MCM10: variants seen among roughly 807,000 people sequenced by gnomAD.
MCM10 encodes protein MCM10 homolog.
In MCM10, 91 loss-of-function variants were observed where a neutral mutation model predicts 109.9. The ratio of observed to expected loss-of-function variants is 0.83; its 90% CI spans 0.70 to 0.99. MCM10 has a LOEUF of 0.99. MCM10 is among the 50% of genes least tolerant of loss of function. The pLI is 0.00. For synonymous variants in MCM10, 380 were observed against 387.2 expected (o/e 0.98, Z 0.22); for missense variants, 1,077 against 1,061.2 (o/e 1.01, Z -0.21).
At chr10:13,163,601 G>GTAAGCTGTC (rs1263813955) in intron 1 of MCM10, among the ~76,000 whole-genome samples, 1 of 125,534 alleles carries the variant, frequency 8.0e-6, no homozygotes, top group Non-Finnish European at 1.8e-5. Flanking sequence ...GAATCATACA[G>GTAAGCTGTC]TAAGCTGTCG....
In MCM10 at chr10:13,190,482, G is replaced by C. The variant is rs114366299; in HGVS notation, c.1416-817G>C. 3.6e-3 allele frequency among the ~76,000 whole-genome samples: 545 copies of C among 152,112 alleles called. 2 individuals are homozygous for C. The highest frequency in any genetic ancestry group is 0.012 in the African/African-American group (516 of 41,500). On this transcript the variant is annotated intron_variant, in intron 10 of 19. Coordinates refer to ENST00000378714, the MANE Select transcript of MCM10 (RefSeq NM_018518.5). ...GAGGATTGCTTAAGCCCAGGAATTT[G>C]AGACCCGCCTGAGCGACATGGCAAA...
intron 7 of MCM10, 113 bp downstream of exon 7, chr10:13,180,720 G>C: frequency 8.0e-7 from 1 of 1,243,020 alleles, no homozygotes; most frequent in Non-Finnish European, 1.2e-6. Flanking sequence ...AATAAGTATA[G>C]TAAGTTCCAG....
chr10:13,172,359 A>G lies in MCM10; in HGVS notation c.350-17A>G, dbSNP rs1834085017. 1.9e-6 allele frequency: 3 copies of G among 1,585,434 alleles called. No homozygotes were observed. The highest frequency in any genetic ancestry group is 2.7e-5 in the African/African-American group (2 of 74,104). On this transcript the variant is annotated splice_polypyrimidine_tract_variant and intron_variant, in intron 3 of 19. Transcript: ENST00000378714. This position sits in a 1 kb window ranked among gnomAD's most constrained non-coding sequence, Gnocchi z 5.2. ...TCTCCTGCCTGGTTCTTAAATTAAC[A>G]TATTTTCATTTCCTAGAGGAATTAA...
intron 14 of MCM10, 25 bp downstream of exon 14, chr10:13,195,294 C>T (rs372123453): frequency 4.5e-6 from 7 of 1,546,512 alleles, no homozygotes; most frequent in African/African-American, 4.1e-5. Flanking sequence ...TTCTCTTTAG[C>T]ACTTGAGTTT....
At chr10:13,205,969 C>T (rs952877037) in intron 18 of MCM10, among the ~76,000 whole-genome samples, 1 of 152,190 alleles carries the variant, frequency 6.6e-6, no homozygotes, top group African/African-American at 2.4e-5. Flanking sequence ...CTCCCTGGTG[C>T]AGCATGTTGC....
chr10:13,204,133 A>G, intron 17 of MCM10, 86 bp from the exon 18 acceptor site: 1 of 1,508,358 alleles, frequency 6.6e-7, no homozygotes, highest in African/African-American at 1.4e-5. Flanking sequence ...CCAGGTGGTC[A>G]TGGAGCAGAT....
At chr10:13,165,137 G>GT (rs560862600) in intron 2 of MCM10, among the ~76,000 whole-genome samples, 163 of 152,264 alleles carry the variant, frequency 1.1e-3, no homozygotes, top group African/African-American at 3.8e-3. Context: ...GGCATGCTGT[G>GT]TTTTTTCCTG....
chr10:13,203,773 T>C (rs1208779800), intron 17 of MCM10, among the ~76,000 whole-genome samples: 3 of 151,484 alleles, frequency 2.0e-5, no homozygotes, highest in African/African-American at 7.3e-5. Flanking sequence ...AATAAGCCTA[T>C]ATCCTTTTTA....
intron 16 of MCM10, among the ~76,000 whole-genome samples, chr10:13,200,339 T>C (rs1834480966): frequency 6.6e-6 from 1 of 152,126 alleles, no homozygotes; most frequent in Admixed American, 6.6e-5. Flanking sequence ...GACTGTCACA[T>C]GCATTGCAGA....
Position 13,175,552 on chromosome 10 carries a change from A to C in MCM10, c.635A>C (p.Gln212Pro). 1 of 1,614,110 alleles carries C rather than the reference A, an allele frequency of 6.2e-7. No individual in the cohort carries two copies. Among genetic ancestry groups the C allele is most frequent in the Non-Finnish European group, 8.5e-7 (1 of 1,179,974 alleles). ...TCAAGGATGACAAGTGCACCCTCCC[A>C]ACCCCTACAGACGATTTCTCGGAAC... is the stretch of plus-strand genomic sequence containing the variant. Reference protein sequence around the residue: ...SSSRMTSAPSQPLQTISRNKP... With the variant: ...SSSRMTSAPSPPLQTISRNKP... The change falls in exon 6 of 20, where the codon CAA becomes CCA. Residue 212 changes from glutamine to proline, a missense_variant. Physicochemically the swap from Gln to Pro is moderately conservative, Grantham distance 76. Coordinates refer to ENST00000378714, the MANE Select transcript of MCM10 (RefSeq NM_018518.5).
intron 9 of MCM10, among the ~76,000 whole-genome samples, chr10:13,187,999 G>C (rs1410600419): frequency 6.6e-6 from 1 of 152,120 alleles, no homozygotes; most frequent in Non-Finnish European, 1.5e-5. Flanking sequence ...ACAAAAATTA[G>C]CTGGGCGTGG....
chr10:13,203,366 C>T (rs144222290), intron 17 of MCM10, among the ~76,000 whole-genome samples: 180 of 152,276 alleles, frequency 1.2e-3, no homozygotes, highest in African/African-American at 4.2e-3. Context: ...TCCTCTTCCA[C>T]GTTTAAGGGT....
intron 14 of MCM10, among the ~76,000 whole-genome samples, chr10:13,196,442 A>G (rs1398843589): frequency 2.6e-5 from 4 of 152,130 alleles, no homozygotes; most frequent in African/African-American, 7.2e-5. Flanking sequence ...TACAATAACC[A>G]TGGCACATGT....
chr10:13,180,360 C>T (rs1333733592), intron 6 of MCM10, 82 bp from the exon 7 acceptor site: 2 of 1,281,216 alleles, frequency 1.6e-6, no homozygotes, highest in East Asian at 5.0e-5. Context: ...TTCTGACCAT[C>T]ACACTCCCTT....
Position 13,209,582 on chromosome 10 carries a change from A to C in MCM10, c.*272A>C. The stretch of plus-strand genomic sequence containing the variant: ...ACTTCATTCACTGAAGTTTTTGCCC[A>C]AAAATTGGAAGGTAAACAGAGAGCT... On this transcript the variant is annotated 3_prime_UTR_variant, in exon 20 of 20. Coordinates refer to ENST00000378714, the MANE Select transcript of MCM10 (RefSeq NM_018518.5). 2.0e-6 allele frequency: 1 copy of C among 488,730 alleles called. No homozygotes were observed. The highest frequency in any genetic ancestry group is 3.7e-6 in the Non-Finnish European group (1 of 273,232). 30.3% of individuals were successfully genotyped at this position (488,730 alleles called of 1,614,324 possible).
chr10:13,201,724 A>G (rs1483104652), intron 17 of MCM10, 190 bp downstream of exon 17: 1 of 575,210 alleles, frequency 1.7e-6, no homozygotes, highest in East Asian at 2.9e-5. Flanking sequence ...TGCTCTGCTG[A>G]TGGAGTGTTT....
At position 13,210,294 on chromosome 10, in the gene MCM10, ATC is replaced by A. The variant is rs1834643218; in HGVS notation, c.*985_*986del. 1 of 145,102 alleles carries A rather than the reference ATC, an allele frequency of 6.9e-6. No individual in the cohort carries two copies. The highest frequency in any genetic ancestry group is 1.5e-5 in the Non-Finnish European group (1 of 66,758). The allele number at this position is 145,102 out of a possible 1,614,324, so 9.0% of individuals were successfully genotyped here. A position where few individuals can be genotyped will look rare whatever the true frequency, so the allele number is the denominator to read the frequency against. On this transcript the variant is annotated 3_prime_UTR_variant, in exon 20 of 20. Transcript: ENST00000378714. ...GGTCTCAAACTCCTGAGCACTAGCA[ATC>A]CACCCACCTCTGTTTCCAAAAAAAA... is the stretch of plus-strand genomic sequence containing the variant.
At chr10:13,188,212 T>G (rs1156371734) in intron 9 of MCM10, among the ~76,000 whole-genome samples, 2 of 152,132 alleles carry the variant, frequency 1.3e-5, no homozygotes, top group Admixed American at 6.5e-5. Flanking sequence ...CATCTCTCTT[T>G]GTTTCTTTCA....
At chr10:13,202,208 A>G (rs1834509679) in intron 17 of MCM10, among the ~76,000 whole-genome samples, 1 of 152,108 alleles carries the variant, frequency 6.6e-6, no homozygotes, top group African/African-American at 2.4e-5. Context: ...AAAATAAAAA[A>G]TTAGCCGGTG....
Sources: allele counts gnomAD v4.1 joint callset (sites outside exome capture counted in the v4.1 genomes callset), GRCh38; gene constraint gnomAD v4.1.1; non-coding constraint Gnocchi (gnomAD v3.1); transcripts MANE v1.5; gene names NCBI Gene and HGNC (gene_info 2026-07-23, HGNC 2026-07-21).